RBBP8NL: variants seen among roughly 807,000 people sequenced by gnomAD.
The protein encoded by RBBP8NL is RBBP8 N-terminal like.
RBBP8NL carries 59 observed loss-of-function variants against 62.2 expected under a neutral mutation model. The ratio of observed to expected loss-of-function variants is 0.95; its 90% CI spans 0.77 to 1.18. The LOEUF is 1.18. RBBP8NL is among the 50% of genes most tolerant of loss of function. RBBP8NL has a pLI of 0.00. For synonymous variants in RBBP8NL, 412 were observed against 394.1 expected, an observed-to-expected ratio of 1.05 and a Z score of -0.54; for missense variants, 896 against 899.5, an observed-to-expected ratio of 1.00 and a Z score of 0.05.
At chr20:62,418,547 A>G in intron 2 of RBBP8NL, 82 bp from the exon 3 acceptor site, 1 of 1,355,916 alleles carries the variant, frequency 7.4e-7, no homozygotes, top group Non-Finnish European at 1.0e-6. Context: ...GTCTGGGCAG[A>G]GCTGCAATGT....
In RBBP8NL at chr20:62,414,180, C is replaced by T. The variant is rs745595632; in HGVS notation, c.1171G>A (p.Gly391Ser). Reference protein sequence around the residue: ...PGEMLPSLPVGSDSEGPENEG... With the variant: ...PGEMLPSLPVSSDSEGPENEG... ...TTCTCAGGGCCCTCAGAGTCTGAGCCGACTGGTAGGGAGGGCAGCATCTCC... is the reference window on the plus strand; with the variant it reads ...TTCTCAGGGCCCTCAGAGTCTGAGCTGACTGGTAGGGAGGGCAGCATCTCC... Residue 391 changes from glycine to serine, a missense_variant, in exon 10 of 14, where the codon GGC (glycine) becomes AGC (serine). Physicochemically the swap from Gly to Ser is moderately conservative, Grantham distance 56. Transcript: ENST00000252998. 20 of 1,609,420 alleles carry T rather than the reference C, an allele frequency of 1.2e-5. No homozygotes were observed. The highest frequency in any genetic ancestry group is 2.2e-5 in the East Asian group (1 of 44,854).
Position 62,427,509 on chromosome 20 carries a change from C to G in RBBP8NL, c.-133G>C, listed in dbSNP as rs1988837616. 6.6e-6 allele frequency: 1 copy of G among 152,286 alleles called. No homozygotes were observed. Among genetic ancestry groups the G allele is most frequent in the South Asian group, 2.1e-4 (1 of 4,834 alleles). 9.4% of individuals were successfully genotyped at this position (152,286 alleles called of 1,614,324 possible). A position where few individuals can be genotyped will look rare whatever the true frequency, so the allele number is the denominator to read the frequency against. On this transcript the variant is annotated 5_prime_UTR_variant, in exon 1 of 14. Coordinates refer to ENST00000252998, the MANE Select transcript of RBBP8NL (RefSeq NM_080833.3). ...TCTGTCGACCTCTGCGCGGAGTCCC[C>G]CACGCTCTTCACAGGGAGAGAGAAG...
intron 3 of RBBP8NL, among the ~76,000 whole-genome samples, chr20:62,417,719 C>T (rs1290618931): frequency 1.1e-5 from 1 of 94,774 alleles, no homozygotes; most frequent in African/African-American, 4.5e-5. Context: ...CACGCAACGC[C>T]CCCCCAGTCA....
rs188876779 is a variant in RBBP8NL, at chr20:62,424,891, C to T, written c.-84+2569G>A. 7.2e-5 allele frequency among the ~76,000 whole-genome samples: 11 copies of T among 152,264 alleles called. No individual in the cohort carries two copies. In the East Asian group the frequency reaches 1.4e-3, roughly 19 times the overall value. ...CCCAGCAGAGAGGGTGCACCCCCCC[C>T]ACCCGCTGAGCTGGCTGGGGCGGGG... is the stretch of plus-strand genomic sequence containing the variant. On this transcript the variant is annotated intron_variant, in intron 1 of 13. Transcript: ENST00000252998.
At chr20:62,412,158 G>A (rs751608708) in intron 13 of RBBP8NL, among the ~76,000 whole-genome samples, 3 of 152,222 alleles carry the variant, frequency 2.0e-5, no homozygotes, top group East Asian at 1.9e-4. Context: ...GGGAGCAAAC[G>A]TGCCCCCATG....
rs370155612 is a variant in RBBP8NL, at chr20:62,414,302, C to G, written c.1049G>C (p.Arg350Pro). 51 of 1,570,360 alleles carry G rather than the reference C, an allele frequency of 3.2e-5. No homozygotes were observed. The highest frequency in any genetic ancestry group is 4.2e-5 in the Non-Finnish European group (49 of 1,159,908). Residue 350 changes from arginine (R) to proline (P), a missense_variant, in exon 10 of 14, where the codon CGC becomes CCC. Physicochemically the swap from Arg to Pro is moderately radical, Grantham distance 103 (BLOSUM62 -2). Coordinates refer to ENST00000252998, the MANE Select transcript of RBBP8NL (RefSeq NM_080833.3). ...PSALAGMQDL[R>P]LEGALHLLLA... ...GAGCAGGTGCAGTGCCCCCTCCAGG[C>G]GAAGGTCCTGCATGCCCGCCAGGGC...
intron 2 of RBBP8NL, 50 bp from the exon 3 acceptor site, chr20:62,418,515 C>T: frequency 6.7e-7 from 1 of 1,496,650 alleles, no homozygotes; most frequent in Non-Finnish European, 9.1e-7. Context: ...TGCTGCTTCA[C>T]CTTCAGTGTC....
chr20:62,425,328 G>A lies in RBBP8NL; in HGVS notation c.-84+2132C>T, dbSNP rs112335191. 4.6e-5 allele frequency among the ~76,000 whole-genome samples: 7 copies of A among 152,346 alleles called. No individual in the cohort carries two copies. In the South Asian group the frequency reaches 1.2e-3, roughly 27 times the overall value. ...CTCATTGCCACAAAGGCCTTGTGCA[G>A]GAGGACGCAGCCCTCCCCACGCTCA... On this transcript the variant is annotated intron_variant, in intron 1 of 13. Transcript: ENST00000252998.
At chr20:62,417,874 A>C (rs879416635) in intron 3 of RBBP8NL, among the ~76,000 whole-genome samples, 10 of 7,956 alleles carry the variant, frequency 1.3e-3, no homozygotes, top group Non-Finnish European at 1.5e-3. Flanking sequence ...TGTCCACGCA[A>C]CGCCCCCCCA....
In RBBP8NL at chr20:62,419,589, A is replaced by G. The variant is rs1601489494; in HGVS notation, c.59T>C (p.Leu20Pro). 6.2e-7 allele frequency: 1 copy of G among 1,613,596 alleles called. No homozygotes were observed. The highest frequency in any genetic ancestry group is 8.5e-7 in the Non-Finnish European group (1 of 1,179,896). ...RLKEIHEKEV[L>P]GLQNKLLELN... ...GGCATCTGTCCCTGGCCCCTCACCC[A>G]GGACTTCCTTCTCGTGGATCTCCTT... Residue 20 changes from leucine (L) to proline (P), a missense_variant and splice_region_variant, in exon 2 of 14, where the codon CTG (leucine) becomes CCG (proline). By Grantham distance (98) the Leu-to-Pro change is moderately conservative. Transcript: ENST00000252998.
At chr20:62,418,291 C>T in intron 3 of RBBP8NL, 132 bp downstream of exon 3, 2 of 919,670 alleles carry the variant, frequency 2.2e-6, no homozygotes, top group Non-Finnish European at 3.5e-6. Flanking sequence ...GTGACTCCCC[C>T]CGCCCCCACA....
chr20:62,427,078 C>T (rs138708824), intron 1 of RBBP8NL, among the ~76,000 whole-genome samples: 240 of 152,346 alleles, frequency 1.6e-3, no homozygotes, highest in Non-Finnish European at 2.3e-3. Flanking sequence ...CCTGTGGCTG[C>T]GCCCGCTTAT....
At chr20:62,425,680 C>T (rs764839367) in intron 1 of RBBP8NL, among the ~76,000 whole-genome samples, 7 of 152,364 alleles carry the variant, frequency 4.6e-5, no homozygotes, top group East Asian at 1.9e-4. Flanking sequence ...CCAGAGAAGC[C>T]GCCTGGGCAC....
Position 62,417,252 on chromosome 20 carries a change from T to G in RBBP8NL, c.172A>C (p.Lys58Gln), listed in dbSNP as rs1988589434. 1 of 1,606,344 alleles carries G rather than the reference T, an allele frequency of 6.2e-7. No individual in the cohort carries two copies. The highest frequency in any genetic ancestry group is 8.5e-7 in the Non-Finnish European group (1 of 1,176,624). ...HQLREQQKTL[K>Q]ENLRVLENRL... ...TTCTCCAGCACCCGCAGGTTCTCCT[T>G]CAGTGTCTTCTGCTGTTCCCGGAGC... The change falls in exon 4 of 14, where the codon AAG becomes CAG. Residue 58 changes from lysine (K) to glutamine (Q), a missense_variant. Transcript: ENST00000252998.
In RBBP8NL at chr20:62,415,963, A is replaced by G. The variant is rs1472562141; in HGVS notation, c.387-18T>C. ...GCCTGTCTCTAGAGGGGAGGCAGAGACAGGGAGGGTGAGGGAGAGCAGCAT... is the reference window on the plus strand; with the variant it reads ...GCCTGTCTCTAGAGGGGAGGCAGAGGCAGGGAGGGTGAGGGAGAGCAGCAT... On this transcript the variant is annotated intron_variant, in intron 6 of 13. Coordinates refer to ENST00000252998, the MANE Select transcript of RBBP8NL (RefSeq NM_080833.3). The G allele has an allele frequency of 4.6e-6, 7 of 1,509,246 alleles. No individual in the cohort carries two copies. In the Admixed American group the frequency reaches 1.0e-4, roughly 23 times the overall value. The allele number at this position is 1,509,246 out of a possible 1,614,324, so 93.5% of individuals were successfully genotyped here. A position where few individuals can be genotyped will look rare whatever the true frequency, so the allele number is the denominator to read the frequency against.
At chr20:62,417,522 G>A (rs1988600020) in intron 3 of RBBP8NL, among the ~76,000 whole-genome samples, 1 of 68,770 alleles carries the variant, frequency 1.5e-5, no homozygotes, top group East Asian at 4.8e-4. Context: ...CCAGTCATCT[G>A]CACGCTCCTC....
chr20:62,414,788 G>C (rs1036211407), intron 9 of RBBP8NL, among the ~76,000 whole-genome samples: 1 of 152,198 alleles, frequency 6.6e-6, no homozygotes, highest in Non-Finnish European at 1.5e-5. Context: ...CTGTGGTCTG[G>C]GCTCCAAGGT....
At position 62,414,163 on chromosome 20, in the gene RBBP8NL, G is replaced by A. The variant is rs753509817; in HGVS notation, c.1188C>T (p.Gly396=). The A allele has an allele frequency of 1.2e-6, 2 of 1,608,438 alleles. No individual in the cohort carries two copies. The highest frequency in any genetic ancestry group is 1.3e-5 in the African/African-American group (1 of 74,892). ...CTGCCCTGGTCCCCTCATTCTCAGG[G>A]CCCTCAGAGTCTGAGCCGACTGGTA... is the stretch of plus-strand genomic sequence containing the variant. ...PSLPVGSDSE[G]PENEGTRAAL... is the part of the protein sequence containing the mutation. The change falls in exon 10 of 14, where the codon GGC becomes GGT. Residue 396 remains glycine (G), a synonymous_variant. Coordinates refer to ENST00000252998, the MANE Select transcript of RBBP8NL (RefSeq NM_080833.3).
At chr20:62,416,271 G>T in intron 5 of RBBP8NL, 35 bp from the exon 6 acceptor site, 1 of 1,389,244 alleles carries the variant, frequency 7.2e-7, no homozygotes, top group Non-Finnish European at 1.0e-6. Context: ...GCAGCCAGGG[G>T]TTGGGGGGGA....
Sources: allele counts gnomAD v4.1 joint callset (sites outside exome capture counted in the v4.1 genomes callset), GRCh38; gene constraint gnomAD v4.1.1; transcripts MANE v1.5; gene names NCBI Gene and HGNC (gene_info 2026-07-23, HGNC 2026-07-21).